Variants in ERP44 observed in about 807,000 individuals in gnomAD.
The protein encoded by ERP44 is endoplasmic reticulum protein 44.
In ERP44, 25 loss-of-function variants were observed where a neutral mutation model predicts 53.4. The observed-to-expected ratio is 0.47, with a 90% CI of 0.34 to 0.65. ERP44 has a LOEUF of 0.65. ERP44 is among the 30% of genes least tolerant of loss of function. ERP44 has a pLI of 0.01. For synonymous variants in ERP44, 145 were observed against 161.2 expected, an observed-to-expected ratio of 0.90 and a Z score of 0.76; for missense variants, 338 against 493.2, an observed-to-expected ratio of 0.69 and a Z score of 2.98.
At chr9:100,060,242 AAAAT>A in intron 1 of ERP44, 70 bp from the exon 2 acceptor site, 1 of 1,328,680 alleles carries the variant, frequency 7.5e-7, no homozygotes. Context: ...GCGAAGTCTA[AAAAT>A]AAATGTGTGA....
At chr9:100,085,533 G>C (rs1826470154) in intron 1 of ERP44, among the ~76,000 whole-genome samples, 1 of 152,202 alleles carries the variant, frequency 6.6e-6, no homozygotes, top group South Asian at 2.1e-4. Flanking sequence ...CCAGACCACA[G>C]AACTATGATA....
intron 1 of ERP44, among the ~76,000 whole-genome samples, chr9:100,078,791 A>G (rs537157562): frequency 3.9e-4 from 59 of 152,192 alleles, no homozygotes; most frequent in Non-Finnish European, 8.1e-4. Flanking sequence ...AAAGAAAAAT[A>G]TCTTCATTTT....
intron 10 of ERP44, chr9:99,999,025 A>C: frequency 5.3e-6 from 5 of 938,646 alleles, no homozygotes; most frequent in Non-Finnish European, 8.6e-6. Context: ...CAGCGGGCGC[A>C]GCTGCTCCTT....
At chr9:100,015,698 C>G (rs1212835760) in intron 8 of ERP44, among the ~76,000 whole-genome samples, 1 of 152,222 alleles carries the variant, frequency 6.6e-6, no homozygotes, top group African/African-American at 2.4e-5. Flanking sequence ...CAGTCCCCCA[C>G]CTTTTTGGCA....
chr9:100,060,255 G>A, intron 1 of ERP44, 83 bp from the exon 2 acceptor site: 1 of 1,284,962 alleles, frequency 7.8e-7, no homozygotes, highest in South Asian at 2.2e-5. Context: ...ATAAATGTGT[G>A]ATTCCACTTG....
chr9:100,051,421 TA>T (rs1393627165), intron 4 of ERP44, among the ~76,000 whole-genome samples: 4 of 152,076 alleles, frequency 2.6e-5, no homozygotes, highest in African/African-American at 7.2e-5. Flanking sequence ...AGGTTAAGTA[TA>T]AAAAAATAGA....
chr9:100,077,938 T>C (rs936692981), intron 1 of ERP44, among the ~76,000 whole-genome samples: 3 of 152,084 alleles, frequency 2.0e-5, no homozygotes, highest in Non-Finnish European at 4.4e-5. Flanking sequence ...GAATGAAGGT[T>C]TGGGTCACTC....
intron 4 of ERP44, among the ~76,000 whole-genome samples, chr9:100,049,508 GA>G (rs1419814058): frequency 6.6e-6 from 1 of 152,160 alleles, no homozygotes; most frequent in Non-Finnish European, 1.5e-5. Context: ...AAACATGTAA[GA>G]ATATTCTCAA....
At chr9:100,077,464 C>G (rs959157322) in intron 1 of ERP44, among the ~76,000 whole-genome samples, 1 of 152,222 alleles carries the variant, frequency 6.6e-6, no homozygotes, top group Non-Finnish European at 1.5e-5. Flanking sequence ...TGCTCTGAAT[C>G]AACATCCAAT....
chr9:100,061,613 GAAATATATAT>G (rs1826151552), intron 1 of ERP44, among the ~76,000 whole-genome samples: 1 of 144,332 alleles, frequency 6.9e-6, no homozygotes, highest in Non-Finnish European at 1.5e-5. Flanking sequence ...TATATTTATA[GAAATATATAT>G]AAATATATAT....
At chr9:100,044,649 T>G (rs1248793451) in intron 4 of ERP44, among the ~76,000 whole-genome samples, 1 of 152,190 alleles carries the variant, frequency 6.6e-6, no homozygotes, top group African/African-American at 2.4e-5. Context: ...ATAAGCAAAT[T>G]ACAATTAACA....
chr9:100,027,316 T>C (rs543320907), intron 4 of ERP44, among the ~76,000 whole-genome samples: 2 of 152,398 alleles, frequency 1.3e-5, no homozygotes, highest in African/African-American at 4.8e-5. Flanking sequence ...TGGGATTAGA[T>C]ATTCATTTGC....
chr9:100,098,505 C>A (rs1826684008), intron 1 of ERP44, among the ~76,000 whole-genome samples: 1 of 152,196 alleles, frequency 6.6e-6, no homozygotes, highest in South Asian at 2.1e-4. Flanking sequence ...GAAACCGAAA[C>A]CCCCGGACTT....
At chr9:100,079,509 C>G (rs1395079790) in intron 1 of ERP44, among the ~76,000 whole-genome samples, 1 of 151,908 alleles carries the variant, frequency 6.6e-6, no homozygotes, top group African/African-American at 2.4e-5. Context: ...ACATATTGTT[C>G]ACTGCCACCA....
chr9:100,093,673 T>C (rs1477474469), intron 1 of ERP44, among the ~76,000 whole-genome samples: 2 of 152,006 alleles, frequency 1.3e-5, no homozygotes, highest in Non-Finnish European at 2.9e-5. Flanking sequence ...ACTGTGTGTG[T>C]CTGTGTCTAT....
intron 4 of ERP44, among the ~76,000 whole-genome samples, chr9:100,046,100 A>G (rs1825964329): frequency 6.6e-6 from 1 of 152,168 alleles, no homozygotes. Context: ...AATGCCATTT[A>G]TAACAGCACC....
At chr9:100,090,200 C>A (rs901774111) in intron 1 of ERP44, among the ~76,000 whole-genome samples, 2 of 152,036 alleles carry the variant, frequency 1.3e-5, no homozygotes, top group Admixed American at 6.5e-5. Flanking sequence ...TATTCTCAGC[C>A]CTTTCAGAGG....
intron 10 of ERP44, among the ~76,000 whole-genome samples, chr9:100,002,160 C>T (rs1268189561): frequency 6.7e-6 from 1 of 149,988 alleles, no homozygotes; most frequent in Non-Finnish European, 1.5e-5. Context: ...TTTTACTCTA[C>T]CCTCCTCACA....
intron 7 of ERP44, among the ~76,000 whole-genome samples, chr9:100,017,372 C>A (rs1163826502): frequency 2.0e-5 from 3 of 152,198 alleles, no homozygotes; most frequent in African/African-American, 7.2e-5. Flanking sequence ...GCACATTTGA[C>A]ATTCAAACCC....
Sources: allele counts gnomAD v4.1 joint callset (sites outside exome capture counted in the v4.1 genomes callset), GRCh38; gene constraint gnomAD v4.1.1; transcripts MANE v1.5; gene names NCBI Gene and HGNC (gene_info 2026-07-23, HGNC 2026-07-21).